The following LHCGR variants were observed in gnomAD, a reference collection of about 807,000 sequenced individuals.
LHCGR encodes luteinizing hormone/choriogonadotropin receptor.
A neutral mutation model predicts 60.7 loss-of-function variants in LHCGR; 55 were observed. That is an observed-to-expected ratio of 0.91 (90% CI 0.73 to 1.13). The LOEUF is 1.13. LHCGR is among the 50% of genes most tolerant of loss of function. LHCGR has a pLI of 0.00. For synonymous variants in LHCGR, 337 were observed against 316.5 expected (o/e 1.06, Z -0.69); for missense variants, 862 against 836.0 (o/e 1.03, Z -0.38).
intron 1 of LHCGR, among the ~76,000 whole-genome samples, chr2:48,744,542 A>G (rs1669611962): frequency 1.0e-5 from 1 of 97,662 alleles, no homozygotes; most frequent in African/African-American, 4.3e-5. Context: ...ATAACACCGC[A>G]TATCTACAAC....
At position 48,687,666 on chromosome 2, in the gene LHCGR, C is replaced by T. The variant is rs754052768; in HGVS notation, c.*31G>A. 2 of 1,562,854 alleles carry T rather than the reference C, an allele frequency of 1.3e-6. No individual in the cohort carries two copies. The highest frequency in any genetic ancestry group is 1.8e-6 in the Non-Finnish European group (2 of 1,133,718). ...TAATTTTTTTTTACAGGTTTAAGAACAATTCAATAATGCAGTTACTGATGT... is the reference window on the plus strand; with the variant it reads ...TAATTTTTTTTTACAGGTTTAAGAATAATTCAATAATGCAGTTACTGATGT... On this transcript the variant is annotated 3_prime_UTR_variant, in exon 11 of 11. Transcript: ENST00000294954.
chr2:48,725,832 G>A (rs960115570), intron 3 of LHCGR, 82 bp from the exon 4 acceptor site: 10 of 1,173,322 alleles, frequency 8.5e-6, no homozygotes, highest in Non-Finnish European at 1.3e-5. Flanking sequence ...GTCACCAGAA[G>A]TTGCTGGCTG....
chr2:48,727,143 T>C (rs1668773700), intron 3 of LHCGR, among the ~76,000 whole-genome samples: 1 of 152,128 alleles, frequency 6.6e-6, no homozygotes, highest in Non-Finnish European at 1.5e-5. Flanking sequence ...TAAAGGTCTT[T>C]TGGGCTGGGT....
intron 6 of LHCGR, among the ~76,000 whole-genome samples, chr2:48,719,741 G>C (rs115084634): frequency 0.017 from 2,624 of 152,288 alleles, 84 homozygotes; most frequent in African/African-American, 0.059. Context: ...AGTTGGTAAA[G>C]ATTTGGGTAG....
In LHCGR at chr2:48,733,293, G is replaced by C. The variant is rs1194785405; in HGVS notation, c.162-1995C>G. On this transcript the variant is annotated intron_variant, in intron 1 of 10. Transcript: ENST00000294954. ...AGAAGCTGAAGTCTCTCAGCAGGCAGCCTCCTCCTCCAAATGGGAGCATGG... is the reference window on the plus strand; with the variant it reads ...AGAAGCTGAAGTCTCTCAGCAGGCACCCTCCTCCTCCAAATGGGAGCATGG... 1.6e-5 allele frequency: 3 copies of C among 191,836 alleles called. No homozygotes were observed. The South Asian group carries it at 3.0e-4, about 19-fold the overall frequency. 11.9% of individuals were successfully genotyped at this position (191,836 alleles called of 1,614,324 possible). A position where few individuals can be genotyped will look rare whatever the true frequency, so the allele number is the denominator to read the frequency against.
intron 8 of LHCGR, among the ~76,000 whole-genome samples, chr2:48,704,482 A>G (rs1323925879): frequency 6.6e-6 from 1 of 152,038 alleles, no homozygotes; most frequent in East Asian, 1.9e-4. Flanking sequence ...TCCTCTTTGT[A>G]CCTCTGGTAG....
intron 1 of LHCGR, among the ~76,000 whole-genome samples, chr2:48,754,870 C>T (rs1227006492): frequency 6.6e-6 from 1 of 152,164 alleles, no homozygotes; most frequent in African/African-American, 2.4e-5. Flanking sequence ...TACAATCCCT[C>T]AATCAGGCCT....
intron 9 of LHCGR, among the ~76,000 whole-genome samples, chr2:48,696,441 T>G (rs1304665089): frequency 6.6e-6 from 1 of 152,212 alleles, no homozygotes; most frequent in African/African-American, 2.4e-5. Context: ...CCTATTTTCC[T>G]TTTCATAAGT....
chr2:48,745,024 A>G (rs1415645557), intron 1 of LHCGR, among the ~76,000 whole-genome samples: 2 of 152,168 alleles, frequency 1.3e-5, no homozygotes, highest in Non-Finnish European at 1.5e-5. Flanking sequence ...CCCCATCAAA[A>G]AGTGGGCGAA....
At position 48,729,294 on chromosome 2, in the gene LHCGR, T is replaced by C. The variant is rs1485563462; in HGVS notation, c.234-67A>G. ...AGAAATGACCGTGTCTGCATGATTA[T>C]GAGCTATGTGTGTGACCCAACAACT... On this transcript the variant is annotated intron_variant, in intron 2 of 10. Transcript: ENST00000294954. 3.4e-6 allele frequency: 4 copies of C among 1,188,500 alleles called. No homozygotes were observed. In the African/African-American group the frequency reaches 4.5e-5, roughly 13 times the overall value. 73.6% of individuals were successfully genotyped at this position (1,188,500 alleles called of 1,614,324 possible).
chr2:48,714,425 T>C (rs17326446), intron 6 of LHCGR, among the ~76,000 whole-genome samples: 57,041 of 151,598 alleles, frequency 0.38, 12,004 homozygotes, highest in Non-Finnish European at 0.48. Context: ...GGTGTGGGCA[T>C]ATGGGTTTTC....
intron 6 of LHCGR, among the ~76,000 whole-genome samples, chr2:48,719,610 T>C (rs1668416052): frequency 6.6e-6 from 1 of 152,156 alleles, no homozygotes; most frequent in Admixed American, 6.5e-5. Flanking sequence ...TTGAGGAGAT[T>C]TAATGAACAA....
intron 6 of LHCGR, chr2:48,721,662 A>T (rs984676179): frequency 6.4e-6 from 3 of 470,416 alleles, no homozygotes; most frequent in Non-Finnish European, 1.3e-5. Flanking sequence ...GTCCTCTGAG[A>T]TGATCTCTTC....
intron 6 of LHCGR, among the ~76,000 whole-genome samples, chr2:48,719,567 A>C (rs549885613): frequency 6.6e-6 from 1 of 152,304 alleles, no homozygotes; most frequent in Non-Finnish European, 1.5e-5. Context: ...AATTCTGCTT[A>C]TTTGGGAAGG....
intron 1 of LHCGR, among the ~76,000 whole-genome samples, chr2:48,743,176 G>C (rs1204707124): frequency 6.6e-6 from 1 of 152,106 alleles, no homozygotes; most frequent in African/African-American, 2.4e-5. Flanking sequence ...ACCAATAACA[G>C]GATCTGAAAT....
intron 1 of LHCGR, among the ~76,000 whole-genome samples, chr2:48,739,731 A>G (rs932357101): frequency 6.6e-6 from 1 of 152,150 alleles, no homozygotes; most frequent in Non-Finnish European, 1.5e-5. Flanking sequence ...GTTAATGGGC[A>G]CAGCACACCA....
intron 2 of LHCGR, among the ~76,000 whole-genome samples, chr2:48,730,175 A>T (rs1249880077): frequency 6.6e-6 from 1 of 152,248 alleles, no homozygotes; most frequent in Non-Finnish European, 1.5e-5. Context: ...AGCCTAAGGT[A>T]GCTAATGTCT....
chr2:48,740,847 C>T (rs1390889568), intron 1 of LHCGR, among the ~76,000 whole-genome samples: 1 of 152,234 alleles, frequency 6.6e-6, no homozygotes, highest in Non-Finnish European at 1.5e-5. Context: ...CAGAGAATGA[C>T]TTTGACGAGC....
In LHCGR at chr2:48,688,266, C is replaced by T; in HGVS notation, c.1531G>A (p.Val511Ile). The T allele has an allele frequency of 6.2e-7, 1 of 1,613,970 alleles. No homozygotes were observed. Among genetic ancestry groups the T allele is most frequent in the Non-Finnish European group, 8.5e-7 (1 of 1,179,934 alleles). The change falls in exon 11 of 11, where the codon GTC becomes ATC. Residue 511 changes from valine (V) to isoleucine (I), a missense_variant. Physicochemically the swap from Val to Ile is conservative, Grantham distance 29. Coordinates refer to ENST00000294954, the MANE Select transcript of LHCGR (RefSeq NM_000233.4). This position sits in a 1 kb window ranked among gnomAD's most constrained non-coding sequence, Gnocchi z 5.2. ...PLVGVSNYMK[V>I]SICFPMDVET... ...ACATCCATGGGGAAGCAAATACTGA[C>T]CTTCATGTAATTGCTGACACCGACA...
Sources: gnomAD v4.1 joint callset for allele counts (sites outside exome capture counted in the v4.1 genomes callset) on GRCh38, gnomAD v4.1.1 for gene constraint, Gnocchi (gnomAD v3.1) non-coding constraint, MANE v1.5 for transcripts, NCBI Gene and HGNC (gene_info 2026-07-23, HGNC 2026-07-21) for gene names.